Variants in HACL1 observed in about 807,000 individuals in gnomAD.
HACL1 encodes 1600020H07Rik.
HACL1 carries 64 observed loss-of-function variants against 74.2 expected under a neutral mutation model. That is an observed-to-expected ratio of 0.86 (90% CI 0.70 to 1.06). The LOEUF (loss-of-function observed/expected upper bound fraction) is 1.06. HACL1 is among the 50% of genes least tolerant of loss of function. HACL1 has a pLI of 0.00. For synonymous variants in HACL1, 230 were observed against 238.8 expected, an observed-to-expected ratio of 0.96 and a Z score of 0.34; for missense variants, 728 against 719.7, an observed-to-expected ratio of 1.01 and a Z score of -0.13.
At chr3:15,568,905 A>G (rs552799164) in intron 12 of HACL1, among the ~76,000 whole-genome samples, 1 of 152,402 alleles carries the variant, frequency 6.6e-6, no homozygotes, top group African/African-American at 2.4e-5. Context: ...GCACTGGGTT[A>G]CATAAAACTA....
intron 8 of HACL1, among the ~76,000 whole-genome samples, chr3:15,581,577 G>C (rs1436897705): frequency 6.6e-6 from 1 of 152,054 alleles, no homozygotes; most frequent in Non-Finnish European, 1.5e-5. Flanking sequence ...CTCTCTTCCT[G>C]CTTTGCCTTT....
chr3:15,564,073 G>A (rs1483248311), intron 15 of HACL1, among the ~76,000 whole-genome samples: 1 of 152,122 alleles, frequency 6.6e-6, no homozygotes, highest in African/African-American at 2.4e-5. Context: ...CCACCCCAAG[G>A]CTGGCTCACA....
intron 3 of HACL1, 94 bp from the exon 4 acceptor site, chr3:15,591,774 G>A (rs1042416294): frequency 1.1e-5 from 8 of 725,534 alleles, no homozygotes; most frequent in East Asian, 2.9e-5. Flanking sequence ...GGACTTCAAA[G>A]GAAGGACATA....
intron 6 of HACL1, 96 bp from the exon 7 acceptor site, chr3:15,585,438 C>G: frequency 1.4e-6 from 1 of 733,086 alleles, no homozygotes; most frequent in South Asian, 1.7e-5. Context: ...GAACACTTTT[C>G]ATTTTTCTGG....
At chr3:15,591,788 G>C (rs1256223464) in intron 3 of HACL1, 108 bp from the exon 4 acceptor site, 6 of 631,620 alleles carry the variant, frequency 9.5e-6, no homozygotes, top group Non-Finnish European at 1.7e-5. Flanking sequence ...GGACATACAA[G>C]TCTTTACTAT....
intron 9 of HACL1, among the ~76,000 whole-genome samples, chr3:15,576,262 G>C (rs1368229299): frequency 6.8e-6 from 1 of 146,256 alleles, no homozygotes; most frequent in Non-Finnish European, 1.5e-5. Flanking sequence ...TTTATTTAAT[G>C]TTTTCTCAAT....
chr3:15,576,953 T>A (rs1306544334), intron 9 of HACL1, among the ~76,000 whole-genome samples: 1 of 152,196 alleles, frequency 6.6e-6, no homozygotes, highest in Non-Finnish European at 1.5e-5. Flanking sequence ...CTAAAACTCT[T>A]GAAATCATTG....
At chr3:15,592,467 CACACACGTATACAT>C (rs1472562629) in intron 3 of HACL1, among the ~76,000 whole-genome samples, 1,327 of 43,160 alleles carry the variant, frequency 0.031, 61 homozygotes, top group African/African-American at 0.11. Context: ...CGTATACATA[CACACACGTATACAT>C]ACACTTGTAT....
rs568861263 is a variant in HACL1, at chr3:15,582,956, G to C, written c.588C>G (p.Ser196Arg). ...TGCACACAGCAGAGGTTTCTGCCAT[G>C]CTAATAGGAGGTGACATGCAGCGTT... is the stretch of plus-strand genomic sequence containing the variant. ...YMERCMSPPI[S>R]MAETSAVCTA... The change falls in exon 8 of 17, where the codon AGC (serine) becomes AGG (arginine). Residue 196 changes from serine (S) to arginine (R), a missense_variant. Transcript: ENST00000321169. 55 of 1,609,644 alleles carry C rather than the reference G, an allele frequency of 3.4e-5. No individual in the cohort carries two copies. In the South Asian group the frequency reaches 5.3e-4, roughly 15 times the overall value.
In HACL1 at chr3:15,567,871, G is replaced by C; in HGVS notation, c.1382C>G (p.Ser461Cys). 6.2e-7 allele frequency: 1 copy of C among 1,614,086 alleles called. No individual in the cohort carries two copies. Among genetic ancestry groups the C allele is most frequent in the Non-Finnish European group, 8.5e-7 (1 of 1,179,908 alleles). ...CVEGDSAFGF[S>C]GMEVETICRY... ...GCAGATGGTTTCTACCTCCATGCCA[G>C]AAAACCCAAATGCACTGTCTCCTTC... The change falls in exon 14 of 17, where the codon TCT (serine) becomes TGT (cysteine). Residue 461 changes from serine to cysteine, a missense_variant. Ser to Cys is a moderately radical substitution (Grantham distance 112). Transcript: ENST00000321169.
chr3:15,573,546 A>C (rs2063572991), intron 10 of HACL1, among the ~76,000 whole-genome samples: 1 of 152,214 alleles, frequency 6.6e-6, no homozygotes, highest in Non-Finnish European at 1.5e-5. Context: ...CTAATCAGTA[A>C]GTTCTATTGA....
intron 3 of HACL1, among the ~76,000 whole-genome samples, chr3:15,595,081 T>G (rs2064032057): frequency 6.6e-6 from 1 of 152,124 alleles, no homozygotes; most frequent in African/African-American, 2.4e-5. Flanking sequence ...GAGCCGAGAT[T>G]GCACCACTGC....
chr3:15,587,335 C>T (rs915845691), intron 5 of HACL1, among the ~76,000 whole-genome samples: 2 of 147,778 alleles, frequency 1.4e-5, no homozygotes, highest in African/African-American at 5.0e-5. Flanking sequence ...TTTTCCATTT[C>T]AGGAAAATGC....
intron 12 of HACL1, 43 bp downstream of exon 12, chr3:15,571,625 A>C (rs758399347): frequency 1.8e-5 from 15 of 856,482 alleles, no homozygotes; most frequent in Non-Finnish European, 2.8e-5. Context: ...TAACTGAATC[A>C]TGAGCCTGAC....
chr3:15,599,559 C>T (rs955687434), intron 2 of HACL1, among the ~76,000 whole-genome samples: 1 of 152,142 alleles, frequency 6.6e-6, no homozygotes, highest in Non-Finnish European at 1.5e-5. Context: ...ACAACCTCCC[C>T]TCAACCTACC....
intron 2 of HACL1, among the ~76,000 whole-genome samples, chr3:15,599,873 A>G (rs1420684696): frequency 5.3e-5 from 8 of 152,242 alleles, no homozygotes; most frequent in Non-Finnish European, 4.4e-5. Flanking sequence ...TGCTGTATGA[A>G]GAAATCAGTG....
In HACL1 at chr3:15,574,494, T is replaced by C. The variant is rs115489070; in HGVS notation, c.909+483A>G. Among the ~76,000 whole-genome samples, 1,399 of 152,300 alleles carry C rather than the reference T, an allele frequency of 9.2e-3. 18 individuals are homozygous for C. The highest frequency in any genetic ancestry group is 0.032 in the African/African-American group (1,336 of 41,564). ...AGAAAATGGCTTATAAGGTGGGTCA[T>C]AATGATACAAGAATCATCAAAGACA... On this transcript the variant is annotated intron_variant, in intron 10 of 16. Transcript: ENST00000321169.
intron 7 of HACL1, among the ~76,000 whole-genome samples, chr3:15,584,515 G>A (rs2063761654): frequency 6.6e-6 from 1 of 152,130 alleles, no homozygotes; most frequent in Non-Finnish European, 1.5e-5. Context: ...TTGAACCCAG[G>A]AGGCAGAGGT....
intron 3 of HACL1, among the ~76,000 whole-genome samples, chr3:15,592,105 ATATATACACAC>A (rs1559560873): frequency 1.4e-5 from 2 of 144,574 alleles, no homozygotes; most frequent in African/African-American, 5.3e-5. Context: ...CTATATACGT[ATATATACACAC>A]TATATACGTA....
Sources: gnomAD v4.1 joint callset for allele counts (sites outside exome capture counted in the v4.1 genomes callset) on GRCh38, gnomAD v4.1.1 for gene constraint, MANE v1.5 for transcripts, NCBI Gene and HGNC (gene_info 2026-07-23, HGNC 2026-07-21) for gene names.